The following ZNF516 variants were observed in gnomAD, a reference collection of about 807,000 sequenced individuals.
ZNF516 encodes the protein zinc finger protein 516.
ZNF516 carries 19 observed loss-of-function variants against 79.7 expected under a neutral mutation model. That is an observed-to-expected ratio of 0.24 (90% confidence interval 0.17 to 0.35). ZNF516 has a LOEUF of 0.35. Among genes scored for constraint, ZNF516 ranks in the 10% least tolerant of loss-of-function variants. The pLI, the probability that ZNF516 is intolerant of heterozygous loss-of-function variation, is 1.00. For missense variants in ZNF516, 1,678 were observed against 1,679.5 expected, an observed-to-expected ratio of 1.00 and a Z score of 0.02; for synonymous variants, 877 against 739.5, an observed-to-expected ratio of 1.19 and a Z score of -3.02.
At chr18:76,399,007 A>G (rs2075182525) in intron 3 of ZNF516, among the ~76,000 whole-genome samples, 1 of 152,178 alleles carries the variant, frequency 6.6e-6, no homozygotes, top group Non-Finnish European at 1.5e-5. Flanking sequence ...TCATAACACA[A>G]GCGGTCTCTG....
At chr18:76,487,466 C>A (rs1914894191) in intron 1 of ZNF516, among the ~76,000 whole-genome samples, 1 of 152,162 alleles carries the variant, frequency 6.6e-6, no homozygotes, top group Non-Finnish European at 1.5e-5. Flanking sequence ...CTAAAATATT[C>A]TTCAGTTAGA....
At chr18:76,365,074 G>A (rs1373947779) in intron 6 of ZNF516, among the ~76,000 whole-genome samples, 1 of 152,218 alleles carries the variant, frequency 6.6e-6, no homozygotes, top group Non-Finnish European at 1.5e-5. Flanking sequence ...ATATTCAAAT[G>A]TACCAACCTA....
rs967339781 is a variant in ZNF516, at chr18:76,467,891, T to C, written c.-271-4750A>G. On this transcript the variant is annotated intron_variant, in intron 1 of 6. Transcript: ENST00000443185. The surrounding 1 kb of genome is among the most constrained non-coding windows in gnomAD (Gnocchi z 4.2). Reference sequence around the variant, plus strand: ...ATAAGTAATAAACGAAGGACAGAAATGAGTGCTTCAACTATCTGCTGACTG... The same window carrying C: ...ATAAGTAATAAACGAAGGACAGAAACGAGTGCTTCAACTATCTGCTGACTG... 1.4e-4 allele frequency among the ~76,000 whole-genome samples: 22 copies of C among 152,212 alleles called. No individual in the cohort carries two copies. The highest frequency in any genetic ancestry group is 2.6e-4 in the Non-Finnish European group (18 of 68,036).
chr18:76,402,336 C>T (rs780175604), intron 3 of ZNF516, among the ~76,000 whole-genome samples: 6 of 152,162 alleles, frequency 3.9e-5, no homozygotes, highest in Non-Finnish European at 7.4e-5. Context: ...CCCAGAGCCA[C>T]CACCCAGAGG....
chr18:76,443,018 G>C lies in ZNF516; in HGVS notation c.37C>G (p.Arg13Gly). 1.3e-6 allele frequency: 2 copies of C among 1,597,890 alleles called. No homozygotes were observed. Among genetic ancestry groups the C allele is most frequent in the Non-Finnish European group, 1.7e-6 (2 of 1,177,436 alleles). ...CCGGCCCTGGTGGGGCTGGGGCCTC[G>C]CCTCAGCTCCATCTCGGCCTCTCTG... ...RNREAEMELRRGPSPTRAGRG... is the reference protein window; with the variant it reads ...RNREAEMELRGGPSPTRAGRG... Residue 13 changes from arginine to glycine, a missense_variant, in exon 3 of 7, where the codon CGA becomes GGA. Arg to Gly is a moderately radical substitution (Grantham distance 125). This residue lies in a region of ZNF516 where 62 missense variants were observed against 58.9 expected (regional missense o/e 1.05). Coordinates refer to ENST00000443185, the MANE Select transcript of ZNF516 (RefSeq NM_014643.4).
At chr18:76,367,226 C>T (rs1489903597) in intron 6 of ZNF516, among the ~76,000 whole-genome samples, 2 of 152,192 alleles carry the variant, frequency 1.3e-5, no homozygotes, top group Non-Finnish European at 2.9e-5. Flanking sequence ...AGCCCAATCC[C>T]TCTGTTCTAG....
intron 6 of ZNF516, among the ~76,000 whole-genome samples, chr18:76,368,559 A>G (rs2074655013): frequency 6.6e-6 from 1 of 152,108 alleles, no homozygotes; most frequent in African/African-American, 2.4e-5. Context: ...CAGTTAATAC[A>G]CAGGCTAAGT....
chr18:76,358,649 C>T lies in ZNF516; in HGVS notation c.*3849G>A, dbSNP rs1363251974. On this transcript the variant is annotated 3_prime_UTR_variant, in exon 7 of 7. Transcript: ENST00000443185. The stretch of plus-strand genomic sequence containing the variant: ...ACCAAAGTTAAAAGCAGTAAAACAA[C>T]ATATGCTACTTAAGACATTTTGAAG... 1.3e-5 allele frequency: 2 copies of T among 152,240 alleles called. No homozygotes were observed. The highest frequency in any genetic ancestry group is 2.9e-5 in the Non-Finnish European group (2 of 68,044). The allele number at this position is 152,240 out of a possible 1,614,324, so 9.4% of individuals were successfully genotyped here.
chr18:76,420,689 C>T (rs1328891404), intron 3 of ZNF516, among the ~76,000 whole-genome samples: 4 of 152,066 alleles, frequency 2.6e-5, no homozygotes, highest in Non-Finnish European at 5.9e-5. Flanking sequence ...TTTCACCTTG[C>T]CATGCTGGGC....
chr18:76,362,820 G>A (rs1033600893), intron 6 of ZNF516, among the ~76,000 whole-genome samples: 7 of 152,184 alleles, frequency 4.6e-5, no homozygotes, highest in African/African-American at 1.7e-4. Context: ...ATTTAGAAAG[G>A]ATCATTAGGC....
At chr18:76,374,668 G>C (rs72973726) in intron 4 of ZNF516, among the ~76,000 whole-genome samples, 1,993 of 152,288 alleles carry the variant, frequency 0.013, 27 homozygotes, top group Non-Finnish European at 0.022. Flanking sequence ...CACAACTATT[G>C]CATGTACACG....
In ZNF516 at chr18:76,378,934, G is replaced by A; in HGVS notation, c.3180C>T (p.Ile1060=). ...AGTCCTTTGGAATGTACGTCTTAAA[G>A]ATGTTGAGGATGTCCAGGCGCTTCT... The part of the protein sequence containing the change: ...GHEKRLDILN[I]FKTYIPKDFA... Residue 1060 remains isoleucine, a synonymous_variant, in exon 4 of 7, where the codon ATC becomes ATT. Transcript: ENST00000443185. 1.2e-6 allele frequency: 2 copies of A among 1,613,862 alleles called. No individual in the cohort carries two copies. Among genetic ancestry groups the A allele is most frequent in the Non-Finnish European group, 1.7e-6 (2 of 1,179,834 alleles).
chr18:76,453,817 G>A (rs978946851), intron 2 of ZNF516, among the ~76,000 whole-genome samples: 7 of 152,034 alleles, frequency 4.6e-5, no homozygotes, highest in Non-Finnish European at 1.0e-4. Context: ...ATGCTTTTTC[G>A]AAATTTCTAT....
At chr18:76,491,444 G>A (rs1385327900) in intron 1 of ZNF516, among the ~76,000 whole-genome samples, 10 of 127,652 alleles carry the variant, frequency 7.8e-5, no homozygotes, top group African/African-American at 2.8e-4. Flanking sequence ...GGCCCGCACA[G>A]ACCCCCGCCT....
In ZNF516 at chr18:76,441,891, G is replaced by A. The variant is rs759583696; in HGVS notation, c.1164C>T (p.Asn388=). ...DTKQFFLQCL[N]LRPSAAGDSC... is the part of the protein sequence containing the mutation. ...AGTCGCCGGCCGCCGACGGCCTCAG[G>A]TTCAGGCACTGGAGGAAGAACTGCT... Residue 388 remains asparagine (N), a synonymous_variant, in exon 3 of 7, where the codon AAC becomes AAT. Transcript: ENST00000443185. 6.3e-7 allele frequency: 1 copy of A among 1,597,698 alleles called. No individual in the cohort carries two copies.
intron 3 of ZNF516, among the ~76,000 whole-genome samples, chr18:76,382,004 C>T (rs1002336667): frequency 6.6e-6 from 1 of 152,100 alleles, no homozygotes; most frequent in Non-Finnish European, 1.5e-5. Flanking sequence ...TAGTGGCACG[C>T]GCCTGAAGTC....
At chr18:76,449,337 T>C (rs191628833) in intron 2 of ZNF516, among the ~76,000 whole-genome samples, 6 of 152,210 alleles carry the variant, frequency 3.9e-5, no homozygotes, top group Non-Finnish European at 8.8e-5. Flanking sequence ...CAAGTACCCA[T>C]GCTCATGCTC....
chr18:76,490,992 G>A (rs1915149924), intron 1 of ZNF516: 2 of 985,356 alleles, frequency 2.0e-6, no homozygotes, highest in Non-Finnish European at 2.4e-6. Context: ...CCCCTCGCGA[G>A]GCGCCCCAAG....
chr18:76,400,490 T>G (rs1183551591), intron 3 of ZNF516, among the ~76,000 whole-genome samples: 2 of 152,188 alleles, frequency 1.3e-5, no homozygotes, highest in African/African-American at 4.8e-5. Flanking sequence ...CATCCCAGCT[T>G]TCCCCATTAG....
Sources: gnomAD v4.1 joint callset for allele counts (sites outside exome capture counted in the v4.1 genomes callset) on GRCh38, gnomAD v4.1.1 for gene constraint, gnomAD v4.1.1 regional missense constraint, Gnocchi (gnomAD v3.1) non-coding constraint, MANE v1.5 for transcripts, NCBI Gene and HGNC (gene_info 2026-07-23, HGNC 2026-07-21) for gene names.